FBXO36: variants seen among roughly 807,000 people sequenced by gnomAD.
The protein encoded by FBXO36 is F-box protein 36.
A neutral mutation model predicts 17.0 loss-of-function variants in FBXO36; 18 were observed. The ratio of observed to expected loss-of-function variants is 1.06; its 90% CI spans 0.73 to 1.57. FBXO36 has a LOEUF of 1.57. Among genes scored for constraint, FBXO36 ranks in the 40% most tolerant of loss-of-function variants. The pLI is 0.00. For synonymous variants in FBXO36, 83 were observed against 85.3 expected (o/e 0.97, Z 0.15); for missense variants, 229 against 221.9 (o/e 1.03, Z -0.20).
intron 2 of FBXO36, among the ~76,000 whole-genome samples, chr2:229,981,323 C>T (rs569849717): frequency 9.9e-5 from 15 of 151,984 alleles, no homozygotes; most frequent in African/African-American, 3.6e-4. Flanking sequence ...ACCACCCCCC[C>T]ATCTCTAAAA....
intron 2 of FBXO36, among the ~76,000 whole-genome samples, chr2:229,984,005 A>C (rs937426080): frequency 6.6e-6 from 1 of 152,208 alleles, no homozygotes; most frequent in Admixed American, 6.5e-5. Context: ...CATTCTAAAT[A>C]GTTTCATTTG....
In FBXO36 at chr2:229,990,111, C is replaced by G. The variant is rs976944714; in HGVS notation, c.206-6640C>G. ...CTTTCTGTTCCTCATTTCCTAGTTT[C>G]TCTCTCTCTCTTAAGTTCTCTCCAT... On this transcript the variant is annotated intron_variant, in intron 2 of 3. Coordinates refer to ENST00000283946, the MANE Select transcript of FBXO36 (RefSeq NM_174899.5). 2.0e-5 allele frequency among the ~76,000 whole-genome samples: 3 copies of G among 151,670 alleles called. No individual in the cohort carries two copies. The South Asian group carries it at 6.2e-4, about 32-fold the overall frequency.
At chr2:229,926,313 C>T (rs1480609595) in intron 1 of FBXO36, among the ~76,000 whole-genome samples, 1 of 151,286 alleles carries the variant, frequency 6.6e-6, no homozygotes, top group Admixed American at 6.6e-5. Flanking sequence ...CGCCTGTAGT[C>T]CTAGCTACTC....
intron 2 of FBXO36, among the ~76,000 whole-genome samples, chr2:229,979,341 AGT>A (rs1206952955): frequency 6.6e-6 from 1 of 151,146 alleles, no homozygotes; most frequent in East Asian, 1.9e-4. Context: ...AAATATATAT[AGT>A]GTGTGTGTAT....
intron 3 of FBXO36, among the ~76,000 whole-genome samples, chr2:230,007,618 T>C (rs2077393865): frequency 6.6e-6 from 1 of 151,158 alleles, no homozygotes; most frequent in Non-Finnish European, 1.5e-5. Context: ...CTTTTTTTTT[T>C]TGTTACAGAG....
chr2:229,973,922 C>T (rs1054508540), intron 1 of FBXO36, among the ~76,000 whole-genome samples: 1 of 151,584 alleles, frequency 6.6e-6, no homozygotes, highest in African/African-American at 2.4e-5. Context: ...TGGTGGCACG[C>T]GCCTGTGGTC....
intron 1 of FBXO36, among the ~76,000 whole-genome samples, chr2:229,945,488 A>G (rs1366374205): frequency 2.6e-5 from 4 of 151,618 alleles, no homozygotes; most frequent in Non-Finnish European, 4.4e-5. Context: ...TGTATTTTTG[A>G]TAGAGACGCA....
At chr2:229,924,337 G>A (rs1460012694) in intron 1 of FBXO36, among the ~76,000 whole-genome samples, 1 of 150,822 alleles carries the variant, frequency 6.6e-6, no homozygotes, top group African/African-American at 2.4e-5. Flanking sequence ...AGGTGATCCA[G>A]CTGCCTCGGC....
chr2:230,000,644 C>T (rs2077353601), intron 3 of FBXO36, among the ~76,000 whole-genome samples: 1 of 152,020 alleles, frequency 6.6e-6, no homozygotes, highest in South Asian at 2.1e-4. Context: ...TTACTCACTT[C>T]CACTATTACT....
chr2:230,002,382 A>G (rs540187977), intron 3 of FBXO36, among the ~76,000 whole-genome samples: 1 of 146,014 alleles, frequency 6.8e-6, no homozygotes, highest in Non-Finnish European at 1.5e-5. Flanking sequence ...CCGTACGTTA[A>G]TTTTTTTTTT....
At chr2:229,973,454 T>G (rs973647906) in intron 1 of FBXO36, 4 of 152,052 alleles carry the variant, frequency 2.6e-5, no homozygotes, top group African/African-American at 9.7e-5. Context: ...GCAGGTGCGG[T>G]GGCTACACCT....
chr2:229,941,045 C>G (rs1033559143), intron 1 of FBXO36, among the ~76,000 whole-genome samples: 5 of 152,114 alleles, frequency 3.3e-5, no homozygotes, highest in African/African-American at 1.2e-4. Flanking sequence ...TCCCCCTGGC[C>G]TACTGCTTGC....
At chr2:229,959,660 A>G (rs1330763496) in intron 1 of FBXO36, among the ~76,000 whole-genome samples, 2 of 152,108 alleles carry the variant, frequency 1.3e-5, no homozygotes, top group African/African-American at 2.4e-5. Context: ...CCTGGCTAAC[A>G]TGGTGAAACC....
At position 230,013,067 on chromosome 2, in the gene FBXO36, A is replaced by G. The variant is rs898423913; in HGVS notation, c.*2183A>G. The stretch of plus-strand genomic sequence containing the variant: ...ATTAATATGTTAACTATTGTTAAAT[A>G]ATAGCTAAAATAATACAGATTATTA... On this transcript the variant is annotated 3_prime_UTR_variant, in exon 4 of 4. Coordinates refer to ENST00000283946, the MANE Select transcript of FBXO36 (RefSeq NM_174899.5). 6.6e-6 allele frequency: 1 copy of G among 151,686 alleles called. No homozygotes were observed. Among genetic ancestry groups the G allele is most frequent in the African/African-American group, 2.4e-5 (1 of 41,434 alleles). 9.4% of individuals were successfully genotyped at this position (151,686 alleles called of 1,614,324 possible).
intron 1 of FBXO36, among the ~76,000 whole-genome samples, chr2:229,941,858 A>C (rs530406658): frequency 6.6e-6 from 1 of 152,002 alleles, no homozygotes; most frequent in African/African-American, 2.4e-5. Context: ...CTCTACTAAA[A>C]TACAAAAATT....
intron 2 of FBXO36, among the ~76,000 whole-genome samples, chr2:229,994,529 C>G (rs2077314906): frequency 6.6e-6 from 1 of 152,196 alleles, no homozygotes; most frequent in Non-Finnish European, 1.5e-5. Flanking sequence ...AGCCCAACTT[C>G]TAGGATCACA....
chr2:229,924,039 C>T lies in FBXO36; in HGVS notation c.96+1430C>T, dbSNP rs150244191. 1.2e-3 allele frequency among the ~76,000 whole-genome samples: 186 copies of T among 149,358 alleles called. 1 individual carries two copies. Among genetic ancestry groups the T allele is most frequent in the Non-Finnish European group, 9.2e-4 (62 of 67,396 alleles). ...GATTACAGGCGTGAGCCACCGCGCCCGGCCTTGTACATTTTTTAAACGGAT... is the reference window on the plus strand; with the variant it reads ...GATTACAGGCGTGAGCCACCGCGCCTGGCCTTGTACATTTTTTAAACGGAT... On this transcript the variant is annotated intron_variant, in intron 1 of 3. Transcript: ENST00000283946.
chr2:229,989,087 A>G (rs1182628001), intron 2 of FBXO36, among the ~76,000 whole-genome samples: 1 of 152,060 alleles, frequency 6.6e-6, no homozygotes, highest in Non-Finnish European at 1.5e-5. Context: ...GCCAAAAGAT[A>G]AATGCTTACT....
chr2:229,922,579 C>T lies in FBXO36; in HGVS notation c.66C>T (p.Asp22=). 1.2e-6 allele frequency: 2 copies of T among 1,614,114 alleles called. No individual in the cohort carries two copies. Among genetic ancestry groups the T allele is most frequent in the Non-Finnish European group, 1.7e-6 (2 of 1,180,012 alleles). ...GACAAGGCCCGCCGCCTAGCAAAGACTATTACCAGTTACTGGTCACCCGGT... is the reference window on the plus strand; with the variant it reads ...GACAAGGCCCGCCGCCTAGCAAAGATTATTACCAGTTACTGGTCACCCGGT... ...TVGQGPPPSK[D]YYQLLVTRSQ... The change falls in exon 1 of 4, where the codon GAC becomes GAT. Residue 22 remains aspartate, a synonymous_variant. Coordinates refer to ENST00000283946, the MANE Select transcript of FBXO36 (RefSeq NM_174899.5).
Sources: allele counts gnomAD v4.1 joint callset (sites outside exome capture counted in the v4.1 genomes callset), GRCh38; gene constraint gnomAD v4.1.1; transcripts MANE v1.5; gene names NCBI Gene and HGNC (gene_info 2026-07-23, HGNC 2026-07-21).